Variants in ARHGAP26 observed in about 807,000 individuals in gnomAD.
ARHGAP26 encodes the protein rho GTPase-activating protein 26.
ARHGAP26 carries 38 observed loss-of-function variants against 104.8 expected under a neutral mutation model. The observed-to-expected ratio is 0.36, with a 90% CI of 0.28 to 0.48. The LOEUF is 0.48. Among genes scored for constraint, ARHGAP26 ranks in the 20% least tolerant of loss-of-function variants. The probability of loss-of-function intolerance (pLI) is 0.99; values close to 1 mark genes in which losing one functional copy is unlikely to be tolerated. For missense variants in ARHGAP26, 704 were observed against 947.9 expected (o/e 0.74, Z 3.38); for synonymous variants, 341 against 340.0 (o/e 1.00, Z -0.03).
intron 20 of ARHGAP26, among the ~76,000 whole-genome samples, chr5:143,176,783 A>G (rs7700732): frequency 5.9e-5 from 9 of 152,326 alleles, no homozygotes; most frequent in South Asian, 4.1e-4. Context: ...TTTCAATACT[A>G]TAATGAAAAT....
At chr5:143,145,603 C>T (rs1050518495) in intron 19 of ARHGAP26, among the ~76,000 whole-genome samples, 7 of 152,230 alleles carry the variant, frequency 4.6e-5, no homozygotes, top group African/African-American at 1.4e-4. Flanking sequence ...CATTTACAGG[C>T]CCTGTTAGTC....
chr5:143,152,770 G>A (rs1391483937), intron 20 of ARHGAP26, among the ~76,000 whole-genome samples: 1 of 152,208 alleles, frequency 6.6e-6, no homozygotes, highest in Non-Finnish European at 1.5e-5. Context: ...AAAGAAGCCT[G>A]TTGTAGCCTC....
At chr5:142,802,396 A>G (rs899753956) in intron 1 of ARHGAP26, among the ~76,000 whole-genome samples, 2 of 152,228 alleles carry the variant, frequency 1.3e-5, no homozygotes, top group Non-Finnish European at 1.5e-5. Context: ...GAGGAAAGAA[A>G]AAGTACAGTA....
At chr5:143,108,962 C>T (rs552455730) in intron 17 of ARHGAP26, among the ~76,000 whole-genome samples, 1 of 152,242 alleles carries the variant, frequency 6.6e-6, no homozygotes, top group Non-Finnish European at 1.5e-5. Context: ...AAGGGCCAGT[C>T]CCTTAACCTT....
intron 1 of ARHGAP26, among the ~76,000 whole-genome samples, chr5:142,818,139 T>C (rs1281290088): frequency 6.6e-6 from 1 of 152,084 alleles, no homozygotes; most frequent in African/African-American, 2.4e-5. Context: ...TCCTTGGTTC[T>C]GCCTGGCCTG....
chr5:142,820,133 A>G (rs372130123), intron 1 of ARHGAP26, among the ~76,000 whole-genome samples: 1 of 152,206 alleles, frequency 6.6e-6, no homozygotes, highest in Non-Finnish European at 1.5e-5. Context: ...GAATCCACGA[A>G]TGTGCATTTC....
chr5:142,793,252 C>CCT (rs1760236332), intron 1 of ARHGAP26, among the ~76,000 whole-genome samples: 1 of 107,174 alleles, frequency 9.3e-6, no homozygotes, highest in African/African-American at 4.0e-5. Flanking sequence ...TATCCCTTTG[C>CCT]TTTTTTTTTT....
rs539212427 is a variant in ARHGAP26, at chr5:143,097,714, C to T, written c.1539-23274C>T. On this transcript the variant is annotated intron_variant, in intron 17 of 22. Transcript: ENST00000645722. ...GCAGGCACCTTTAGTCCCAGCTACT[C>T]GGGAGGCTGAGGCAGGAGAATGGCA... Among the ~76,000 whole-genome samples the T allele has an allele frequency of 6.0e-5, 9 of 149,748 alleles. No homozygotes were observed. In the South Asian group the frequency reaches 1.1e-3, roughly 18 times the overall value.
At chr5:142,841,651 A>G (rs1049150158) in intron 1 of ARHGAP26, among the ~76,000 whole-genome samples, 1 of 152,204 alleles carries the variant, frequency 6.6e-6, no homozygotes, top group African/African-American at 2.4e-5. Flanking sequence ...CCATGAGTGC[A>G]AGGGAGCAGG....
chr5:142,915,811 C>A (rs1309432288), intron 10 of ARHGAP26: 1 of 151,914 alleles, frequency 6.6e-6, no homozygotes, highest in African/African-American at 2.4e-5. Context: ...TGTTTTTTTT[C>A]CCTCAATATT....
chr5:143,093,869 C>A (rs1315724141), intron 17 of ARHGAP26, among the ~76,000 whole-genome samples: 1 of 152,212 alleles, frequency 6.6e-6, no homozygotes. Flanking sequence ...CAACCCCACA[C>A]CATGGGGATT....
intron 20 of ARHGAP26, among the ~76,000 whole-genome samples, chr5:143,184,440 G>T (rs748227708): frequency 2.0e-4 from 31 of 152,218 alleles, no homozygotes; most frequent in South Asian, 8.3e-4. Context: ...ATCACAGCTG[G>T]AGGTGCCGTG....
At chr5:142,988,112 T>A (rs1775036299) in intron 11 of ARHGAP26, among the ~76,000 whole-genome samples, 1 of 152,238 alleles carries the variant, frequency 6.6e-6, no homozygotes, top group South Asian at 2.1e-4. Flanking sequence ...TGGCTGTGAA[T>A]CCGTCTGATC....
chr5:143,015,408 C>T (rs536829573), intron 12 of ARHGAP26, among the ~76,000 whole-genome samples: 14 of 152,282 alleles, frequency 9.2e-5, no homozygotes, highest in Admixed American at 2.0e-4. Context: ...CCTAGGAACC[C>T]GGTGAGAAAG....
intron 1 of ARHGAP26, among the ~76,000 whole-genome samples, chr5:142,795,213 G>A (rs1760749006): frequency 6.6e-6 from 1 of 152,088 alleles, no homozygotes. Context: ...TTGACTGTAT[G>A]GGCATTTTAA....
chr5:143,071,770 G>A (rs1299475490), intron 17 of ARHGAP26, among the ~76,000 whole-genome samples: 1 of 151,984 alleles, frequency 6.6e-6, no homozygotes, highest in Non-Finnish European at 1.5e-5. Flanking sequence ...CAGGCGTGGT[G>A]GCATGCGCCT....
chr5:143,110,570 CAT>C (rs1025374812), intron 17 of ARHGAP26, among the ~76,000 whole-genome samples: 2 of 152,184 alleles, frequency 1.3e-5, no homozygotes, highest in African/African-American at 2.4e-5. Context: ...CTGGCATACA[CAT>C]GTGCAACTTT....
chr5:143,051,097 T>C (rs1188808866), intron 14 of ARHGAP26, among the ~76,000 whole-genome samples: 1 of 152,222 alleles, frequency 6.6e-6, no homozygotes, highest in Admixed American at 6.5e-5. Context: ...TGTGCGTGTA[T>C]TACTTTCTCA....
At chr5:142,937,125 G>A (rs1304142286) in intron 11 of ARHGAP26, among the ~76,000 whole-genome samples, 3 of 152,030 alleles carry the variant, frequency 2.0e-5, no homozygotes, top group African/African-American at 7.2e-5. Context: ...ACATATATCC[G>A]ATAAGGGACT....
Sources: allele counts gnomAD v4.1 joint callset (sites outside exome capture counted in the v4.1 genomes callset), GRCh38; gene constraint gnomAD v4.1.1; transcripts MANE v1.5; gene names NCBI Gene and HGNC (gene_info 2026-07-23, HGNC 2026-07-21).